HERC1: variants seen among roughly 807,000 people sequenced by gnomAD.
HERC1 encodes the protein probable E3 ubiquitin-protein ligase HERC1.
A neutral mutation model predicts 554.3 loss-of-function variants in HERC1; 160 were observed. That is an observed-to-expected ratio of 0.29 (90% CI 0.25 to 0.33). The LOEUF (loss-of-function observed/expected upper bound fraction) is 0.33, where lower values mean the gene tolerates loss of function less well. HERC1 is among the 10% of genes least tolerant of loss of function. The probability of loss-of-function intolerance (pLI) is 1.00; values close to 1 mark genes in which losing one functional copy is unlikely to be tolerated. For missense variants in HERC1, 4,919 were observed against 5,918.5 expected, an observed-to-expected ratio of 0.83 and a Z score of 5.54; for synonymous variants, 2,175 against 2,131.7, an observed-to-expected ratio of 1.02 and a Z score of -0.56.
intron 53 of HERC1, 68 bp from the exon 54 acceptor site, chr15:63,649,993 A>C: frequency 8.8e-7 from 1 of 1,137,404 alleles, no homozygotes; most frequent in Non-Finnish European, 1.3e-6. Flanking sequence ...ACAGAAACAA[A>C]TACTACTTAA....
chr15:63,737,375 T>TATATATATATATATCGTTTTTCCAG (rs1567069412), intron 12 of HERC1, among the ~76,000 whole-genome samples: 1 of 126,620 alleles, frequency 7.9e-6, no homozygotes, highest in Non-Finnish European at 1.7e-5. Flanking sequence ...TTTTTCCAGA[T>TATATATATATATATCGTTTTTCCAG]ATATATATAT....
At chr15:63,688,337 G>A (rs1211612113) in intron 33 of HERC1, among the ~76,000 whole-genome samples, 1 of 152,142 alleles carries the variant, frequency 6.6e-6, no homozygotes, top group East Asian at 1.9e-4. Context: ...AAAGCCTGGG[G>A]GAAGAAACAG....
chr15:63,762,769 A>T (rs2075652706), intron 3 of HERC1, among the ~76,000 whole-genome samples: 1 of 152,226 alleles, frequency 6.6e-6, no homozygotes, highest in African/African-American at 2.4e-5. Flanking sequence ...GTAGCAGAGT[A>T]ATCAGTCAAT....
chr15:63,628,645 C>A, intron 70 of HERC1, 32 bp downstream of exon 70: 1 of 1,577,694 alleles, frequency 6.3e-7, no homozygotes, highest in Non-Finnish European at 8.6e-7. Flanking sequence ...AAAAAAGAAA[C>A]GCTGCAGGAG....
chr15:63,744,036 A>G (rs1390196053), intron 12 of HERC1, among the ~76,000 whole-genome samples: 1 of 151,398 alleles, frequency 6.6e-6, no homozygotes, highest in Non-Finnish European at 1.5e-5. Flanking sequence ...ATGGTCTTGG[A>G]CAAGATCTGG....
At chr15:63,652,351 C>A in intron 52 of HERC1, 63 bp downstream of exon 52, 3 of 1,476,632 alleles carry the variant, frequency 2.0e-6, no homozygotes, top group Admixed American at 2.1e-5. Flanking sequence ...TTAACACAAC[C>A]AAGATGAGGC....
chr15:63,783,371 C>T (rs1567122466), intron 1 of HERC1, among the ~76,000 whole-genome samples: 1 of 152,066 alleles, frequency 6.6e-6, no homozygotes, highest in Non-Finnish European at 1.5e-5. Context: ...AAGATTACAA[C>T]TCTTTGAAGG....
intron 1 of HERC1, among the ~76,000 whole-genome samples, chr15:63,806,890 G>C (rs2077156156): frequency 6.6e-6 from 1 of 152,214 alleles, no homozygotes; most frequent in Non-Finnish European, 1.5e-5. Context: ...TGGGATTACA[G>C]GCATGCGCCA....
chr15:63,688,661 C>G (rs966198058), intron 33 of HERC1, among the ~76,000 whole-genome samples: 1 of 152,116 alleles, frequency 6.6e-6, no homozygotes, highest in African/African-American at 2.4e-5. Context: ...AGAATGAGAA[C>G]AGGCCATTCT....
In HERC1 at chr15:63,649,833, G is replaced by C. The variant is rs1187711471; in HGVS notation, c.10639C>G (p.Pro3547Ala). Residue 3547 changes from proline to alanine, a missense_variant, in exon 54 of 78, where the codon CCA becomes GCA. By Grantham distance (27) the Pro-to-Ala change is conservative. This residue lies in a region of HERC1 where 1,963 missense variants were observed against 2,228.6 expected (regional missense o/e 0.88). Transcript: ENST00000443617. The stretch of plus-strand genomic sequence containing the variant: ...ATCCGTCCCACCAACAACAATTCTG[G>C]AGACTCTCCTGACCAGGCTGTAGCC... ...GPATAWSGES[P>A]ELLLVGRMDG... is the part of the protein sequence containing the mutation. The C allele has an allele frequency of 2.5e-6, 4 of 1,613,432 alleles. No homozygotes were observed. The highest frequency in any genetic ancestry group is 3.4e-6 in the Non-Finnish European group (4 of 1,179,702).
intron 14 of HERC1, 137 bp downstream of exon 14, chr15:63,732,787 C>A: frequency 1.6e-6 from 1 of 606,378 alleles, no homozygotes; most frequent in South Asian, 2.2e-5. Context: ...TTTCAGAAAC[C>A]CTGACATGTT....
chr15:63,625,531 T>A (rs1196093029), intron 71 of HERC1, among the ~76,000 whole-genome samples: 2 of 151,700 alleles, frequency 1.3e-5, no homozygotes, highest in Admixed American at 1.3e-4. Context: ...CCATCTTTAC[T>A]AAAAATACAA....
intron 12 of HERC1, among the ~76,000 whole-genome samples, chr15:63,744,158 GTGTGTGTCTCTCTC>G (rs1275437886): frequency 5.9e-4 from 25 of 42,334 alleles, no homozygotes; most frequent in African/African-American, 1.2e-3. Flanking sequence ...GTGTGTGTGT[GTGTGTGTCTCTCTC>G]TCTCTCTCTC....
chr15:63,682,950 A>T (rs907901923), intron 34 of HERC1, among the ~76,000 whole-genome samples: 11 of 152,078 alleles, frequency 7.2e-5, no homozygotes, highest in Non-Finnish European at 1.3e-4. Flanking sequence ...AGCCTGGCCA[A>T]CATGGTGAAA....
At chr15:63,819,404 T>C (rs1218512725) in intron 1 of HERC1, among the ~76,000 whole-genome samples, 1 of 152,190 alleles carries the variant, frequency 6.6e-6, no homozygotes, top group Non-Finnish European at 1.5e-5. Flanking sequence ...ACTAAAAAAC[T>C]ATAAATAAAT....
At position 63,674,532 on chromosome 15, in the gene HERC1, A is replaced by T; in HGVS notation, c.7656T>A (p.Val2552=). The change falls in exon 38 of 78, where the codon GTT becomes GTA. Residue 2552 remains valine (V), a synonymous_variant. Transcript: ENST00000443617. ...GHNSDCASSP[V]VHEDVEMRAA... ...CTCGCATCTCCACGTCTTCATGAAC[A>T]ACTGGAGAACTTGCACAGTCTGAGT... The T allele has an allele frequency of 6.2e-7, 1 of 1,613,382 alleles. No homozygotes were observed. The highest frequency in any genetic ancestry group is 8.5e-7 in the Non-Finnish European group (1 of 1,179,600).
chr15:63,731,133 C>T (rs758602594), intron 14 of HERC1, among the ~76,000 whole-genome samples: 13 of 152,104 alleles, frequency 8.5e-5, no homozygotes, highest in Admixed American at 2.0e-4. Flanking sequence ...TTCCATTGAA[C>T]ACATGTACCA....
chr15:63,667,894 G>A (rs1360832379), intron 40 of HERC1, among the ~76,000 whole-genome samples: 1 of 152,052 alleles, frequency 6.6e-6, no homozygotes, highest in Non-Finnish European at 1.5e-5. Context: ...CTACTCAACG[G>A]GAATATGACT....
chr15:63,806,414 C>G (rs10152453), intron 1 of HERC1, among the ~76,000 whole-genome samples: 1 of 151,988 alleles, frequency 6.6e-6, no homozygotes, highest in Non-Finnish European at 1.5e-5. Context: ...CACAGATTTA[C>G]TCACTTCCTC....
Sources: allele counts gnomAD v4.1 joint callset (sites outside exome capture counted in the v4.1 genomes callset), GRCh38; gene constraint gnomAD v4.1.1; regional missense constraint gnomAD v4.1.1; transcripts MANE v1.5; gene names NCBI Gene and HGNC (gene_info 2026-07-23, HGNC 2026-07-21).